Variants in PCDH9 observed in about 807,000 individuals in gnomAD.
PCDH9 encodes protocadherin 9.
Under a neutral mutation model 70.6 loss-of-function variants are expected in PCDH9, and 24 were observed. The observed-to-expected ratio is 0.34, with a 90% CI of 0.25 to 0.48. The LOEUF is 0.48. Ranked by LOEUF, PCDH9 falls within the 20% of genes least tolerant of loss-of-function variation. PCDH9 has a pLI of 0.99. For missense variants in PCDH9, 1,281 were observed against 1,503.6 expected, an observed-to-expected ratio of 0.85 and a Z score of 2.45; for synonymous variants, 562 against 558.5, an observed-to-expected ratio of 1.01 and a Z score of -0.09.
At chr13:67,211,773 G>C (rs1283105159) in intron 2 of PCDH9, 31 of 152,072 alleles carry the variant, frequency 2.0e-4, no homozygotes, top group Admixed American at 2.0e-3. Flanking sequence ...AAATGGACTT[G>C]ATAAAATCAG....
At chr13:66,621,088 C>T (rs1259228965) in intron 4 of PCDH9, among the ~76,000 whole-genome samples, 1 of 152,076 alleles carries the variant, frequency 6.6e-6, no homozygotes, top group Non-Finnish European at 1.5e-5. Flanking sequence ...TTAATATAGA[C>T]TATGGCAGAC....
chr13:67,051,474 C>T (rs1322767842), intron 2 of PCDH9, among the ~76,000 whole-genome samples: 1 of 143,318 alleles, frequency 7.0e-6, no homozygotes, highest in Non-Finnish European at 1.5e-5. Flanking sequence ...CTCACTGCAA[C>T]CTCCGCCTCC....
At chr13:66,876,490 C>G (rs1269673671) in intron 3 of PCDH9, among the ~76,000 whole-genome samples, 3 of 152,024 alleles carry the variant, frequency 2.0e-5, no homozygotes, top group African/African-American at 7.2e-5. Context: ...CTTCAACATG[C>G]CAAAAAGACC....
chr13:66,895,301 T>G (rs997117853), intron 3 of PCDH9, among the ~76,000 whole-genome samples: 1 of 152,208 alleles, frequency 6.6e-6, no homozygotes, highest in African/African-American at 2.4e-5. Context: ...TCTCACAGTT[T>G]TCAATCTTCA....
chr13:66,361,161 G>A (rs1479118301), intron 4 of PCDH9, among the ~76,000 whole-genome samples: 1 of 152,004 alleles, frequency 6.6e-6, no homozygotes, highest in Non-Finnish European at 1.5e-5. Context: ...CTGGATCTAC[G>A]GACCCACAAT....
At chr13:66,372,345 C>T (rs7988498) in intron 4 of PCDH9, among the ~76,000 whole-genome samples, 66,513 of 151,288 alleles carry the variant, frequency 0.44, 14,986 homozygotes, top group Non-Finnish European at 0.51. Context: ...ATTCTATCTG[C>T]GGCCTAAAGG....
intron 4 of PCDH9, among the ~76,000 whole-genome samples, chr13:66,327,223 CAT>C (rs1409152893): frequency 6.6e-6 from 1 of 152,168 alleles, no homozygotes; most frequent in Non-Finnish European, 1.5e-5. Context: ...CAGATCGACA[CAT>C]GTTAAAGTTT....
chr13:67,048,704 A>T (rs1396293412), intron 2 of PCDH9, among the ~76,000 whole-genome samples: 1 of 152,252 alleles, frequency 6.6e-6, no homozygotes, highest in African/African-American at 2.4e-5. Context: ...TTAAAAGCTC[A>T]GTAAAGCCTG....
chr13:67,076,148 A>G (rs910212081), intron 2 of PCDH9, among the ~76,000 whole-genome samples: 5 of 152,154 alleles, frequency 3.3e-5, no homozygotes, highest in African/African-American at 1.2e-4. Context: ...GGCGAAAGGC[A>G]TGTTGAGCAC....
chr13:66,567,245 C>G (rs940780100), intron 4 of PCDH9, among the ~76,000 whole-genome samples: 13 of 152,138 alleles, frequency 8.5e-5, no homozygotes, highest in African/African-American at 3.1e-4. Context: ...CTGCTTTTTT[C>G]CCAAGGAGTT....
chr13:66,344,306 A>G (rs1956179367), intron 4 of PCDH9, among the ~76,000 whole-genome samples: 1 of 152,046 alleles, frequency 6.6e-6, no homozygotes, highest in Non-Finnish European at 1.5e-5. Context: ...TTTTGTATTT[A>G]GTAGAGATGG....
chr13:66,363,781 C>A (rs1307579721), intron 4 of PCDH9, among the ~76,000 whole-genome samples: 1 of 152,136 alleles, frequency 6.6e-6, no homozygotes, highest in Non-Finnish European at 1.5e-5. Flanking sequence ...TTCTTTTCCC[C>A]ATGTTGTGTG....
intron 2 of PCDH9, among the ~76,000 whole-genome samples, chr13:66,969,029 A>G (rs942932079): frequency 1.3e-5 from 2 of 151,942 alleles, no homozygotes; most frequent in African/African-American, 2.4e-5. Flanking sequence ...ATATTCATCT[A>G]TTTGTTTCCC....
intron 4 of PCDH9, among the ~76,000 whole-genome samples, chr13:66,527,110 A>G (rs189459608): frequency 4.0e-5 from 6 of 151,494 alleles, no homozygotes; most frequent in African/African-American, 1.4e-4. Context: ...TTTCCATAAA[A>G]CTATCAGTCT....
intron 4 of PCDH9, among the ~76,000 whole-genome samples, chr13:66,467,746 A>T (rs1478393404): frequency 6.6e-6 from 1 of 152,098 alleles, no homozygotes; most frequent in Non-Finnish European, 1.5e-5. Context: ...AAAAATCAAA[A>T]ATCTATTTTA....
chr13:66,718,329 G>A (rs945244319), intron 3 of PCDH9, among the ~76,000 whole-genome samples: 1 of 152,124 alleles, frequency 6.6e-6, no homozygotes, highest in African/African-American at 2.4e-5. Flanking sequence ...ACAAAATCCT[G>A]TTGTGTCAAG....
At chr13:66,476,011 G>A (rs1259959408) in intron 4 of PCDH9, among the ~76,000 whole-genome samples, 2 of 151,934 alleles carry the variant, frequency 1.3e-5, no homozygotes, top group African/African-American at 4.8e-5. Context: ...GTTGAATGTT[G>A]TTTCTTACTC....
rs551797496 is a variant in PCDH9, at chr13:67,021,859, G to A, written c.3037-118254C>T. On this transcript the variant is annotated intron_variant, in intron 2 of 4. Transcript: ENST00000377865. ...ATAGGCATGAGCCACCATGCCTGGCGATAGTGTAATTTTTAAATGTAAATT... is the reference window on the plus strand; with the variant it reads ...ATAGGCATGAGCCACCATGCCTGGCAATAGTGTAATTTTTAAATGTAAATT... 9.9e-5 allele frequency among the ~76,000 whole-genome samples: 15 copies of A among 151,742 alleles called. No homozygotes were observed. In the South Asian group the frequency reaches 1.0e-3, roughly 11 times the overall value.
intron 4 of PCDH9, among the ~76,000 whole-genome samples, chr13:66,328,775 A>T (rs1161476842): frequency 1.3e-5 from 2 of 151,474 alleles, no homozygotes; most frequent in East Asian, 3.9e-4. Flanking sequence ...TCAAGAAGTG[A>T]TTTTTTTTTC....
Sources: allele counts gnomAD v4.1 joint callset (sites outside exome capture counted in the v4.1 genomes callset), GRCh38; gene constraint gnomAD v4.1.1; transcripts MANE v1.5; gene names NCBI Gene and HGNC (gene_info 2026-07-23, HGNC 2026-07-21).